CSRNP3: variants seen among roughly 807,000 people sequenced by gnomAD.
CSRNP3 encodes the protein cysteine/serine-rich nuclear protein 3.
Under a neutral mutation model 48.0 loss-of-function variants are expected in CSRNP3, and 12 were observed. The observed-to-expected ratio is 0.25, with a 90% CI of 0.16 to 0.41. The LOEUF is 0.41. CSRNP3 is among the 10% of genes least tolerant of loss of function. The pLI, the probability that CSRNP3 is intolerant of heterozygous loss-of-function variation, is 1.00. For missense variants in CSRNP3, 580 were observed against 724.4 expected, an observed-to-expected ratio of 0.80 and a Z score of 2.29; for synonymous variants, 263 against 269.7, an observed-to-expected ratio of 0.98 and a Z score of 0.24.
intron 4 of CSRNP3, among the ~76,000 whole-genome samples, chr2:165,646,525 G>A (rs1027193660): frequency 5.9e-5 from 9 of 152,126 alleles, no homozygotes; most frequent in African/African-American, 1.2e-4. Flanking sequence ...AATGTAAAAC[G>A]CAGCAAAACA....
chr2:165,514,788 G>A (rs1009747236), intron 2 of CSRNP3, among the ~76,000 whole-genome samples: 2 of 152,132 alleles, frequency 1.3e-5, no homozygotes, highest in African/African-American at 4.8e-5. Context: ...CTGGTCTCAA[G>A]TGAACCTCCC....
intron 4 of CSRNP3, among the ~76,000 whole-genome samples, chr2:165,630,917 A>C (rs1458893446): frequency 1.3e-5 from 2 of 152,222 alleles, no homozygotes; most frequent in Non-Finnish European, 2.9e-5. Flanking sequence ...AGATTTGTGA[A>C]TGAATACCCC....
chr2:165,586,466 G>A (rs368466287), intron 3 of CSRNP3, among the ~76,000 whole-genome samples: 125 of 152,260 alleles, frequency 8.2e-4, no homozygotes, highest in African/African-American at 2.9e-3. Flanking sequence ...TTGAATTTCA[G>A]ATAAATTTTA....
chr2:165,606,246 C>T (rs1033886846), intron 4 of CSRNP3, among the ~76,000 whole-genome samples: 1 of 146,442 alleles, frequency 6.8e-6, no homozygotes, highest in Admixed American at 6.8e-5. Flanking sequence ...ACCAAATACC[C>T]CACCAAGAAA....
At chr2:165,651,321 A>T (rs1686898795) in intron 4 of CSRNP3, among the ~76,000 whole-genome samples, 1 of 152,224 alleles carries the variant, frequency 6.6e-6, no homozygotes, top group African/African-American at 2.4e-5. Context: ...TTTATTCCAT[A>T]CTATATAAAC....
rs1687508144 is a variant in CSRNP3, at chr2:165,680,070, G to C, written c.*317G>C. On this transcript the variant is annotated 3_prime_UTR_variant, in exon 7 of 7. Transcript: ENST00000651982. ...GTGTAGATCAGAGCTCCAAATTTTG[G>C]ATTATCGGGCCTGTGCAAGATTGTT... 4.3e-6 allele frequency: 1 copy of C among 233,384 alleles called. No homozygotes were observed. The highest frequency in any genetic ancestry group is 5.4e-5 in the Admixed American group (1 of 18,362). 14.5% of individuals were successfully genotyped at this position (233,384 alleles called of 1,614,324 possible). A position where few individuals can be genotyped will look rare whatever the true frequency, so the allele number is the denominator to read the frequency against.
At chr2:165,514,421 T>C (rs1684547736) in intron 2 of CSRNP3, among the ~76,000 whole-genome samples, 1 of 152,258 alleles carries the variant, frequency 6.6e-6, no homozygotes, top group Non-Finnish European at 1.5e-5. Flanking sequence ...TTAATCTTCC[T>C]GAGGTACATT....
intron 3 of CSRNP3, among the ~76,000 whole-genome samples, chr2:165,593,864 A>G (rs1685766192): frequency 2.0e-5 from 3 of 152,214 alleles, no homozygotes; most frequent in Admixed American, 2.0e-4. Flanking sequence ...GAAATCTAAA[A>G]TGTTCTAAAA....
intron 1 of CSRNP3, among the ~76,000 whole-genome samples, chr2:165,492,321 G>A (rs942594512): frequency 2.0e-5 from 3 of 152,170 alleles, no homozygotes; most frequent in East Asian, 3.8e-4. Flanking sequence ...TTAAGTACCT[G>A]TAGTGGCTTT....
At chr2:165,628,449 C>T (rs1436356924) in intron 4 of CSRNP3, among the ~76,000 whole-genome samples, 1 of 152,276 alleles carries the variant, frequency 6.6e-6, no homozygotes, top group East Asian at 1.9e-4. Flanking sequence ...ATTGGCTGGG[C>T]ACAGTGGTTC....
At position 165,680,083 on chromosome 2, in the gene CSRNP3, G is replaced by A; in HGVS notation, c.*330G>A. 4.5e-6 allele frequency: 1 copy of A among 224,586 alleles called. No individual in the cohort carries two copies. Among genetic ancestry groups the A allele is most frequent in the Non-Finnish European group, 8.7e-6 (1 of 115,532 alleles). 13.9% of individuals were successfully genotyped at this position (224,586 alleles called of 1,614,324 possible). A position where few individuals can be genotyped will look rare whatever the true frequency, so the allele number is the denominator to read the frequency against. ...CTCCAAATTTTGGATTATCGGGCCTGTGCAAGATTGTTAACTAAGGCTGGG... is the reference window on the plus strand; with the variant it reads ...CTCCAAATTTTGGATTATCGGGCCTATGCAAGATTGTTAACTAAGGCTGGG... On this transcript the variant is annotated 3_prime_UTR_variant, in exon 7 of 7. Coordinates refer to ENST00000651982, the MANE Select transcript of CSRNP3 (RefSeq NM_001172173.2).
intron 3 of CSRNP3, among the ~76,000 whole-genome samples, chr2:165,525,817 C>G (rs1684726123): frequency 6.6e-6 from 1 of 152,080 alleles, no homozygotes; most frequent in Non-Finnish European, 1.5e-5. Flanking sequence ...CTTTGCTTAA[C>G]CCAAGGTCAC....
At chr2:165,655,165 G>A (rs1686982073) in intron 4 of CSRNP3, among the ~76,000 whole-genome samples, 1 of 152,142 alleles carries the variant, frequency 6.6e-6, no homozygotes, top group Admixed American at 6.5e-5. Context: ...TGCTTACACA[G>A]CCTTCCAAAT....
intron 4 of CSRNP3, among the ~76,000 whole-genome samples, chr2:165,656,696 T>C (rs1361247549): frequency 6.6e-6 from 1 of 152,214 alleles, no homozygotes; most frequent in Non-Finnish European, 1.5e-5. Context: ...AGATTTAGAT[T>C]GATAAAATAT....
chr2:165,577,285 A>G (rs1460510938), intron 3 of CSRNP3, among the ~76,000 whole-genome samples: 3 of 151,910 alleles, frequency 2.0e-5, no homozygotes, highest in African/African-American at 4.8e-5. Flanking sequence ...TTTATTGCCT[A>G]TTCTAGAATT....
intron 3 of CSRNP3, among the ~76,000 whole-genome samples, chr2:165,535,640 A>G (rs1684871686): frequency 6.6e-6 from 1 of 151,828 alleles, no homozygotes; most frequent in South Asian, 2.1e-4. Flanking sequence ...GATCACAATG[A>G]CAGGTTTATT....
At chr2:165,667,181 T>C (rs566185851) in intron 5 of CSRNP3, among the ~76,000 whole-genome samples, 34 of 151,910 alleles carry the variant, frequency 2.2e-4, no homozygotes, top group African/African-American at 6.5e-4. Context: ...GAAAGAAATT[T>C]TCAGGACTAG....
intron 4 of CSRNP3, among the ~76,000 whole-genome samples, chr2:165,627,616 C>G (rs1686459550): frequency 6.6e-6 from 1 of 152,138 alleles, no homozygotes; most frequent in African/African-American, 2.4e-5. Flanking sequence ...GAGTCATATG[C>G]AAACCATGTT....
Position 165,649,318 on chromosome 2 carries a change from A to G in CSRNP3, c.149-8443A>G, listed in dbSNP as rs1686867428. The stretch of plus-strand genomic sequence containing the variant: ...TTCACTCAGAAGCTGCAATGTGCAA[A>G]AGACATTATTAGTCTTGAGGGTAAT... On this transcript the variant is annotated intron_variant, in intron 4 of 6. Transcript: ENST00000651982. 2.0e-5 allele frequency among the ~76,000 whole-genome samples: 3 copies of G among 152,206 alleles called. No homozygotes were observed. The South Asian group carries it at 6.2e-4, about 31-fold the overall frequency.
Sources: allele counts gnomAD v4.1 joint callset (sites outside exome capture counted in the v4.1 genomes callset), GRCh38; gene constraint gnomAD v4.1.1; transcripts MANE v1.5; gene names NCBI Gene and HGNC (gene_info 2026-07-23, HGNC 2026-07-21).